CYP1A1: variants seen among roughly 807,000 people sequenced by gnomAD.
CYP1A1 encodes cytochrome P450 1A1.
CYP1A1 carries 43 observed loss-of-function variants against 33.6 expected under a neutral mutation model. The ratio of observed to expected loss-of-function variants is 1.28; its 90% CI spans 1.00 to 1.65. The LOEUF (loss-of-function observed/expected upper bound fraction) is 1.65, where lower values mean the gene tolerates loss of function less well. Ranked by LOEUF, CYP1A1 falls within the 40% of genes most tolerant of loss-of-function variation. The pLI is 0.00. For synonymous variants in CYP1A1, 280 were observed against 257.8 expected (o/e 1.09, Z -0.83); for missense variants, 637 against 653.7 (o/e 0.97, Z 0.28).
chr15:74,720,278 A>T lies in CYP1A1; in HGVS notation c.*211T>A. ...ATCAGCATCTATGTGGCCCTGTTTT[A>T]CCTGTTGTCTCTGGAGGGTGTGCAG... On this transcript the variant is annotated 3_prime_UTR_variant, in exon 7 of 7. Transcript: ENST00000379727. The T allele has an allele frequency of 2.1e-6, 1 of 469,104 alleles. No homozygotes were observed. Among genetic ancestry groups the T allele is most frequent in the Non-Finnish European group, 3.7e-6 (1 of 272,830 alleles). 29.1% of individuals were successfully genotyped at this position (469,104 alleles called of 1,614,324 possible).
rs144519293 is a variant in CYP1A1, at chr15:74,724,304, G to T, written c.-30+1137C>A. On this transcript the variant is annotated intron_variant, in intron 1 of 6. Transcript: ENST00000379727. ...TCTCTGTAAGCTTGACCTAAAAAGG[G>T]TGTTTAAATTCATAAACCACTCTCT... 8.9e-4 allele frequency among the ~76,000 whole-genome samples: 135 copies of T among 152,224 alleles called. 1 individual carries two copies. The highest frequency in any genetic ancestry group is 3.1e-4 in the Non-Finnish European group (21 of 68,024).
intron 1 of CYP1A1, among the ~76,000 whole-genome samples, chr15:74,723,641 A>C (rs1009223738): frequency 2.0e-5 from 3 of 152,172 alleles, no homozygotes; most frequent in African/African-American, 7.2e-5. Context: ...AAATAAACAC[A>C]TAATCAAGGT....
In CYP1A1 at chr15:74,720,396, A is replaced by G. The variant is rs574165571; in HGVS notation, c.*93T>C. 126 of 1,381,276 alleles carry G rather than the reference A, an allele frequency of 9.1e-5. 2 individuals are homozygous for G. The South Asian group carries it at 1.8e-3, about 19-fold the overall frequency. The allele number at this position is 1,381,276 out of a possible 1,614,324, so 85.6% of individuals were successfully genotyped here. A position where few individuals can be genotyped will look rare whatever the true frequency, so the allele number is the denominator to read the frequency against. On this transcript the variant is annotated 3_prime_UTR_variant, in exon 7 of 7. Coordinates refer to ENST00000379727, the MANE Select transcript of CYP1A1 (RefSeq NM_001319217.2). ...AGCCAGATCAGTGTCTATGAGTTTC[A>G]GGCTGAACCTTAGACCACATAGGCC...
At chr15:74,721,911 G>A in intron 2 of CYP1A1, 194 bp from the exon 3 acceptor site, 1 of 650,970 alleles carries the variant, frequency 1.5e-6, no homozygotes, top group South Asian at 1.9e-5. Flanking sequence ...CAACTCATGG[G>A]ACATTTGACA....
Position 74,719,898 on chromosome 15 carries a change from G to A in CYP1A1, c.*591C>T, listed in dbSNP as rs533364873. 6.6e-6 allele frequency: 1 copy of A among 152,638 alleles called. No homozygotes were observed. Among genetic ancestry groups the A allele is most frequent in the South Asian group, 2.1e-4 (1 of 4,834 alleles). 9.5% of individuals were successfully genotyped at this position (152,638 alleles called of 1,614,324 possible). ...CAATAAGGGTCTTACAAGGCCAGAA[G>A]GCAGCCCTGTTTGTTCCTGCCTGCA... is the stretch of plus-strand genomic sequence containing the variant. On this transcript the variant is annotated 3_prime_UTR_variant, in exon 7 of 7. Transcript: ENST00000379727.
rs2063158038 is a variant in CYP1A1, at chr15:74,720,454, G to A, written c.*35C>T. 1 of 1,523,106 alleles carries A rather than the reference G, an allele frequency of 6.6e-7. No homozygotes were observed. 94.3% of individuals were successfully genotyped at this position (1,523,106 alleles called of 1,614,324 possible). A position where few individuals can be genotyped will look rare whatever the true frequency, so the allele number is the denominator to read the frequency against. The stretch of plus-strand genomic sequence containing the variant: ...TGGTCTGGCTGCCCAACCAGACCAG[G>A]TAGACAGAGTCTAGGCCTCAGGGCT... On this transcript the variant is annotated 3_prime_UTR_variant, in exon 7 of 7. Transcript: ENST00000379727.
rs766754993 is a variant in CYP1A1 at position 74,721,469 on chromosome 15, G to C, written c.987C>G (p.Ser329Arg). 8 of 1,614,170 alleles carry C rather than the reference G, an allele frequency of 5.0e-6. No homozygotes were observed. The highest frequency in any genetic ancestry group is 5.9e-6 in the Non-Finnish European group (7 of 1,180,028). ...TGGGGTTCATCACCAAATACATGAG[G>C]CTCCAGGAGATAGCAGTTGTGACTG... ...FDTVTTAISWSLMYLVMNPRV... is the reference protein window; with the variant it reads ...FDTVTTAISWRLMYLVMNPRV... The change falls in exon 4 of 7, where the codon AGC becomes AGG. Residue 329 changes from serine to arginine, a missense_variant. By Grantham distance (110) the Ser-to-Arg change is moderately radical (BLOSUM62 -1). Coordinates refer to ENST00000379727, the MANE Select transcript of CYP1A1 (RefSeq NM_001319217.2).
chr15:74,725,002 G>A (rs925465216), intron 1 of CYP1A1, among the ~76,000 whole-genome samples: 2 of 152,158 alleles, frequency 1.3e-5, no homozygotes, highest in Non-Finnish European at 2.9e-5. Flanking sequence ...CTTAGGCTAG[G>A]GCAGGGTACA....
Position 74,721,234 on chromosome 15 carries a change from T to C in CYP1A1, c.1131A>G (p.Arg377=). The C allele has an allele frequency of 6.2e-7, 1 of 1,613,676 alleles. No individual in the cohort carries two copies. Among genetic ancestry groups the C allele is most frequent in the South Asian group, 1.1e-5 (1 of 91,036 alleles). The change falls in exon 5 of 7, where the codon CGA becomes CGG. Residue 377 remains arginine (R), a synonymous_variant. Transcript: ENST00000379727. The part of the protein sequence containing the change: ...YMEAFILETF[R]HSSFVPFTIP... ...TGGTGAAGGGGACGAAGGAAGAGTG[T>C]CGGAAGGTCTCCAGGATGAAGGCCT...
rs771179629 is a variant in CYP1A1, at chr15:74,720,605, GCAGGAT to G, written c.1417_1422del (p.Ile473_Leu474del). The G allele has an allele frequency of 1.9e-6, 3 of 1,614,162 alleles. No homozygotes were observed. Among genetic ancestry groups the G allele is most frequent in the Middle Eastern group, 1.7e-4 (1 of 6,060 alleles). ...GGCACGCTGAATTCCACCCGTTGCAGCAGGATAGCCAGGAAGAGAAAGACCTCCCAG... is the reference window on the plus strand; with the variant it reads ...GGCACGCTGAATTCCACCCGTTGCAGAGCCAGGAAGAGAAAGACCTCCCAG... On this transcript the variant is annotated inframe_deletion, in exon 7 of 7. Coordinates refer to ENST00000379727, the MANE Select transcript of CYP1A1 (RefSeq NM_001319217.2).
Position 74,720,640 on chromosome 15 carries a change from G to A in CYP1A1, c.1388C>T (p.Ala463Val), listed in dbSNP as rs2278970. The change falls in exon 7 of 7, where the codon GCC becomes GTC. Residue 463 changes from alanine to valine, a missense_variant. By Grantham distance (64) the Ala-to-Val change is moderately conservative. Coordinates refer to ENST00000379727, the MANE Select transcript of CYP1A1 (RefSeq NM_001319217.2). ...GKRKCIGETI[A>V]RWEVFLFLAI... ...CAGGAAGAGAAAGACCTCCCAGCGG[G>A]CAATGGTCTCACCGATACACTTCCG... 7 of 1,614,174 alleles carry A rather than the reference G, an allele frequency of 4.3e-6. No homozygotes were observed. The highest frequency in any genetic ancestry group is 5.9e-6 in the Non-Finnish European group (7 of 1,180,040).
Position 74,720,520 on chromosome 15 carries a change from C to G in CYP1A1, c.1508G>C (p.Cys503Ser), listed in dbSNP as rs760948792. Residue 503 changes from cysteine (C) to serine (S), a missense_variant, in exon 7 of 7, where the codon TGT becomes TCT. Cys to Ser is a moderately radical substitution (Grantham distance 112). Transcript: ENST00000379727. ...IYGLTMKHAC[C>S]EHFQMQLRS ...GCGCAGCTGCATTTGGAAGTGCTCA[C>G]AGCAGGCATGCTTCATGGTTAGCCC... 3.1e-6 allele frequency: 5 copies of G among 1,591,100 alleles called. No homozygotes were observed. The highest frequency in any genetic ancestry group is 4.3e-6 in the Non-Finnish European group (5 of 1,168,882).
intron 1 of CYP1A1, among the ~76,000 whole-genome samples, chr15:74,723,774 C>T (rs2063192449): frequency 6.6e-6 from 1 of 152,138 alleles, no homozygotes; most frequent in Non-Finnish European, 1.5e-5. Flanking sequence ...GTCCAAAGTC[C>T]CCCAGCAATC....
Position 74,720,711 on chromosome 15 carries a change from G to A in CYP1A1, c.1317C>T (p.Ile439=), listed in dbSNP as rs200091037. Residue 439 remains isoleucine, a synonymous_variant, in exon 7 of 7, where the codon ATC becomes ATT. Transcript: ENST00000379727. The part of the protein sequence containing the change: ...PERFLTPDGA[I]DKVLSEKVII... ...TCACCTTCTCACTTAACACCTTGTC[G>A]ATAGCACCATCAGGGGTGAGAAACC... 20 of 1,614,108 alleles carry A rather than the reference G, an allele frequency of 1.2e-5. No individual in the cohort carries two copies. The highest frequency in any genetic ancestry group is 4.4e-5 in the South Asian group (4 of 91,078).
In CYP1A1 at chr15:74,720,637, C is replaced by A; in HGVS notation, c.1391G>T (p.Arg464Leu). 6.2e-7 allele frequency: 1 copy of A among 1,614,160 alleles called. No individual in the cohort carries two copies. The change falls in exon 7 of 7, where the codon CGC becomes CTC. Residue 464 changes from arginine to leucine, a missense_variant. Coordinates refer to ENST00000379727, the MANE Select transcript of CYP1A1 (RefSeq NM_001319217.2). Reference protein sequence around the residue: ...KRKCIGETIARWEVFLFLAIL... With the variant: ...KRKCIGETIALWEVFLFLAIL... ...AGCCAGGAAGAGAAAGACCTCCCAG[C>A]GGGCAATGGTCTCACCGATACACTT...
At position 74,721,198 on chromosome 15, in the gene CYP1A1, C is replaced by T. The variant is rs1440160214; in HGVS notation, c.1166+1G>A. ...ACAGCAGTGGCTCCATGGGGCCTTA[C>T]CTGTGGGGGATGGTGAAGGGGACGA... On this transcript the variant is annotated splice_donor_variant, in intron 5 of 6. Coordinates refer to ENST00000379727, the MANE Select transcript of CYP1A1 (RefSeq NM_001319217.2). LOFTEE classifies it high-confidence loss of function. 3.7e-6 allele frequency: 6 copies of T among 1,611,376 alleles called. No individual in the cohort carries two copies. The highest frequency in any genetic ancestry group is 1.7e-4 in the Middle Eastern group (1 of 6,048).
chr15:74,720,352 G>A lies in CYP1A1; in HGVS notation c.*137C>T, dbSNP rs957599516. On this transcript the variant is annotated 3_prime_UTR_variant, in exon 7 of 7. Coordinates refer to ENST00000379727, the MANE Select transcript of CYP1A1 (RefSeq NM_001319217.2). ...GCAGGATCCCTTAGGCTTGCCCACA[G>A]CCCAGATAGCAAAACTGCAGCCAGA... The A allele has an allele frequency of 8.8e-6, 9 of 1,017,676 alleles. No individual in the cohort carries two copies. In the African/African-American group the frequency reaches 1.3e-4, roughly 15 times the overall value. 63.0% of individuals were successfully genotyped at this position (1,017,676 alleles called of 1,614,324 possible).
chr15:74,721,652 G>A lies in CYP1A1; in HGVS notation c.891C>T (p.Asn297=), dbSNP rs759758088. 100 of 1,614,070 alleles carry A rather than the reference G, an allele frequency of 6.2e-5. No homozygotes were observed. The highest frequency in any genetic ancestry group is 2.1e-4 in the South Asian group (19 of 91,086). The change falls in exon 3 of 7, where the codon AAC becomes AAT. Residue 297 remains asparagine (N), a synonymous_variant. Coordinates refer to ENST00000379727, the MANE Select transcript of CYP1A1 (RefSeq NM_001319217.2). The part of the protein sequence containing the change: ...EHCQEKQLDE[N]ANVQLSDEKI... ...TCTCATCTGACAGCTGGACATTGGC[G>A]TTCTCATCCAGCTGCTTCTCCTGAC...
intron 1 of CYP1A1, among the ~76,000 whole-genome samples, chr15:74,723,403 G>A (rs1214695432): frequency 6.6e-6 from 1 of 152,188 alleles, no homozygotes; most frequent in Non-Finnish European, 1.5e-5. Context: ...CAGCCAGAAA[G>A]TGTTGGATGC....
Sources: allele counts gnomAD v4.1 joint callset (sites outside exome capture counted in the v4.1 genomes callset), GRCh38; gene constraint gnomAD v4.1.1; transcripts MANE v1.5; gene names NCBI Gene and HGNC (gene_info 2026-07-23, HGNC 2026-07-21).